MACF1: variants seen among roughly 807,000 people sequenced by gnomAD.
MACF1 encodes microtubule-actin cross-linking factor 1.
A neutral mutation model predicts 854.8 loss-of-function variants in MACF1; 193 were observed. The observed-to-expected ratio is 0.23, with a 90% CI of 0.20 to 0.25. The LOEUF is 0.25. Ranked by LOEUF, MACF1 falls within the 10% of genes least tolerant of loss-of-function variation. The probability of loss-of-function intolerance (pLI) is 1.00; values close to 1 mark genes in which losing one functional copy is unlikely to be tolerated. For missense variants in MACF1, 7,722 were observed against 8,929.1 expected, an observed-to-expected ratio of 0.86 and a Z score of 5.45; for synonymous variants, 3,185 against 3,226.7, an observed-to-expected ratio of 0.99 and a Z score of 0.44.
chr1:39,344,197 C>T (rs1056225975), intron 40 of MACF1, among the ~76,000 whole-genome samples: 2 of 151,736 alleles, frequency 1.3e-5, no homozygotes, highest in African/African-American at 2.4e-5. Context: ...GAGGCGAAGG[C>T]GGGAGGATCA....
chr1:39,366,921 G>A (rs964952726), intron 49 of MACF1, among the ~76,000 whole-genome samples: 4 of 146,254 alleles, frequency 2.7e-5, no homozygotes, highest in Non-Finnish European at 5.9e-5. Context: ...TAGGATTACA[G>A]GAATGAGCCA....
chr1:39,311,134 T>C (rs542142778), intron 26 of MACF1, 134 bp downstream of exon 26: 1 of 902,216 alleles, frequency 1.1e-6, no homozygotes, highest in African/African-American at 1.7e-5. Flanking sequence ...CTTCTTGCAG[T>C]CTATAAATGT....
At position 39,331,564 on chromosome 1, in the gene MACF1, G is replaced by C; in HGVS notation, c.4976G>C (p.Gly1659Ala). The change falls in exon 37 of 101, where the codon GGA becomes GCA. Residue 1659 changes from glycine to alanine, a missense_variant. Gly to Ala is a moderately conservative substitution (Grantham distance 60). Around this residue, in one of 15 missense-constraint regions of MACF1, gnomAD observed 1,531 missense variants for 1,601.6 expected, o/e 0.96. Coordinates refer to ENST00000564288, the MANE Select transcript of MACF1 (RefSeq NM_001394062.1). ...ATCTTAGAAGCTCACCTGGCAACTG[G>C]AGGTTTCAGTCTTTCCCCTAGTGAG... is the stretch of plus-strand genomic sequence containing the variant. ...LKILEAHLATGGFSLSPSENC... is the reference protein window; with the variant it reads ...LKILEAHLATAGFSLSPSENC... The C allele has an allele frequency of 6.2e-7, 1 of 1,614,170 alleles. No individual in the cohort carries two copies. Among genetic ancestry groups the C allele is most frequent in the Non-Finnish European group, 8.5e-7 (1 of 1,180,024 alleles).
At chr1:39,454,518 TG>T (rs771310145) in intron 88 of MACF1, among the ~76,000 whole-genome samples, 11 of 152,190 alleles carry the variant, frequency 7.2e-5, no homozygotes, top group Non-Finnish European at 1.6e-4. Flanking sequence ...GTCATTGTGT[TG>T]GCCGGGAGCA....
Position 39,379,244 on chromosome 1 carries a change from A to C in MACF1, c.13318A>C (p.Lys4440Gln), listed in dbSNP as rs748388681. Reference sequence around the variant, plus strand: ...GTGTGACATGTCAGATGTAAACTTGAAGTATGAGAAACTAGGGGGAGTACT... The same window carrying C: ...GTGTGACATGTCAGATGTAAACTTGCAGTATGAGAAACTAGGGGGAGTACT... ...IQCDMSDVNL[K>Q]YEKLGGVLHE... Residue 4440 changes from lysine to glutamine, a missense_variant, in exon 54 of 101, where the codon AAG becomes CAG. Lys to Gln is a moderately conservative substitution (Grantham distance 53). Coordinates refer to ENST00000564288, the MANE Select transcript of MACF1 (RefSeq NM_001394062.1). The C allele has an allele frequency of 3.7e-6, 6 of 1,611,324 alleles. No individual in the cohort carries two copies. Among genetic ancestry groups the C allele is most frequent in the Non-Finnish European group, 5.1e-6 (6 of 1,178,874 alleles).
intron 20 of MACF1, 76 bp downstream of exon 20, chr1:39,295,958 AGTGTGCTTTT>A (rs1443394843): frequency 7.7e-7 from 1 of 1,292,636 alleles, no homozygotes; most frequent in Non-Finnish European, 1.1e-6. Context: ...CATCTGCGTT[AGTGTGCTTTT>A]GTTGTATAAA....
rs1646124447 is a variant in MACF1, at chr1:39,304,416, C to T, written c.2789+1338C>T. The T allele has an allele frequency of 2.4e-5, 29 of 1,214,780 alleles. No homozygotes were observed. In the South Asian group the frequency reaches 3.4e-4, roughly 14 times the overall value. 75.3% of individuals were successfully genotyped at this position (1,214,780 alleles called of 1,614,324 possible). A position where few individuals can be genotyped will look rare whatever the true frequency, so the allele number is the denominator to read the frequency against. On this transcript the variant is annotated intron_variant, in intron 23 of 100. Transcript: ENST00000564288. ...ACTTTATCTCCAACTTTCCTGCTAA[C>T]TGGTTGACCCTCTCCACCCTTTCCT...
At chr1:39,359,285 A>G (rs1360798279) in intron 47 of MACF1, 21 bp downstream of exon 47, 2 of 1,613,002 alleles carry the variant, frequency 1.2e-6, no homozygotes, top group African/African-American at 1.3e-5. Flanking sequence ...GCAACAGTAT[A>G]ATAGTACTCC....
rs147294270 is a variant in MACF1 at position 39,385,849 on chromosome 1, G to C, written c.14264G>C (p.Gly4755Ala). The C allele has an allele frequency of 3.0e-5, 49 of 1,613,940 alleles. No individual in the cohort carries two copies. The highest frequency in any genetic ancestry group is 3.7e-5 in the Non-Finnish European group (44 of 1,179,940). ...TGCGATGAACTCTCAGTGCTCATTG[G>C]TGAGCAGTACCTCAAGGATGAACTG... ...TLCDELSVLI[G>A]EQYLKDELKK... Residue 4755 changes from glycine to alanine, a missense_variant, in exon 57 of 101, where the codon GGT becomes GCT. By Grantham distance (60) the Gly-to-Ala change is moderately conservative. This residue lies in a region of MACF1 where 2,807 missense variants were observed against 3,235.8 expected (regional missense o/e 0.87). Coordinates refer to ENST00000564288, the MANE Select transcript of MACF1 (RefSeq NM_001394062.1).
chr1:39,226,274 T>C (rs1236254407), intron 1 of MACF1, among the ~76,000 whole-genome samples: 1 of 152,176 alleles, frequency 6.6e-6, no homozygotes, highest in African/African-American at 2.4e-5. Flanking sequence ...TATGAGGCCA[T>C]CAGGTTTCCT....
chr1:39,330,986 G>A (rs1043766157), intron 36 of MACF1, among the ~76,000 whole-genome samples: 20 of 152,006 alleles, frequency 1.3e-4, no homozygotes, highest in Middle Eastern at 3.4e-3. Flanking sequence ...TTTTAGTAGA[G>A]ACGGGTTTTT....
chr1:39,484,891 C>T (rs866116278), intron 100 of MACF1, 161 bp downstream of exon 100: 3 of 773,230 alleles, frequency 3.9e-6, no homozygotes, highest in Admixed American at 2.5e-5. Context: ...TTTACTTTTT[C>T]TGTCATTACA....
chr1:39,353,307 C>T, intron 44 of MACF1, 76 bp downstream of exon 44: 3 of 1,145,440 alleles, frequency 2.6e-6, no homozygotes, highest in Non-Finnish European at 3.7e-6. Flanking sequence ...ATCACCTTGC[C>T]CCTAAATCCA....
chr1:39,359,091 A>G (rs771376853), intron 46 of MACF1, 50 bp from the exon 47 acceptor site: 2 of 1,608,736 alleles, frequency 1.2e-6, no homozygotes, highest in African/African-American at 2.7e-5. Flanking sequence ...TCCTAGAATC[A>G]TCTTTGATTA....
intron 37 of MACF1, 114 bp downstream of exon 37, chr1:39,336,767 A>G: frequency 1.0e-6 from 1 of 958,222 alleles, no homozygotes; most frequent in Non-Finnish European, 1.5e-6. Flanking sequence ...TATACATTTT[A>G]AGGCACTAGA....
Position 39,309,633 on chromosome 1 carries a change from C to A in MACF1, c.2853C>A (p.Ser951Arg), listed in dbSNP as rs1217041005. The A allele has an allele frequency of 1.2e-6, 2 of 1,614,026 alleles. No homozygotes were observed. The highest frequency in any genetic ancestry group is 1.7e-6 in the Non-Finnish European group (2 of 1,179,918). ...LWHQLHVNTK[S>R]LISWNYLRKD... ...ATCAGCTGCATGTTAACACCAAAAG[C>A]CTTATCTCTTGGAACTATCTGCGTA... is the stretch of plus-strand genomic sequence containing the variant. Residue 951 changes from serine (S) to arginine (R), a missense_variant, in exon 24 of 101, where the codon AGC becomes AGA. By Grantham distance (110) the Ser-to-Arg change is moderately radical. This residue lies in a region of MACF1 where 1,137 missense variants were observed against 1,263.0 expected (regional missense o/e 0.90). Coordinates refer to ENST00000564288, the MANE Select transcript of MACF1 (RefSeq NM_001394062.1).
intron 2 of MACF1, among the ~76,000 whole-genome samples, chr1:39,179,822 C>G (rs1644080951): frequency 6.6e-6 from 1 of 151,968 alleles, no homozygotes; most frequent in Non-Finnish European, 1.5e-5. Context: ...CGAGACCAGC[C>G]TGGCCAACAT....
At chr1:39,181,872 G>A (rs963531718) in intron 2 of MACF1, among the ~76,000 whole-genome samples, 16 of 152,114 alleles carry the variant, frequency 1.1e-4, no homozygotes, top group Non-Finnish European at 2.4e-4. Context: ...AATGAAATTG[G>A]CCAGGCGTTG....
chr1:39,091,949 C>T (rs1308055504), intron 2 of MACF1, among the ~76,000 whole-genome samples: 2 of 152,192 alleles, frequency 1.3e-5, no homozygotes, highest in East Asian at 3.9e-4. Context: ...GCTCTAGGCT[C>T]AGACTGCACT....
Sources: gnomAD v4.1 joint callset for allele counts (sites outside exome capture counted in the v4.1 genomes callset) on GRCh38, gnomAD v4.1.1 for gene constraint, gnomAD v4.1.1 regional missense constraint, MANE v1.5 for transcripts, NCBI Gene and HGNC (gene_info 2026-07-23, HGNC 2026-07-21) for gene names.